Variants in GABRB3 observed in about 807,000 individuals in gnomAD.
GABRB3 encodes gamma-aminobutyric acid type A receptor subunit beta3, also known as gamma-aminobutyric acid receptor subunit beta-3.
A neutral mutation model predicts 52.1 loss-of-function variants in GABRB3; 14 were observed. That is an observed-to-expected ratio of 0.27 (90% CI 0.18 to 0.42). GABRB3 has a LOEUF of 0.42. Ranked by LOEUF, GABRB3 falls within the 10% of genes least tolerant of loss-of-function variation. GABRB3 has a pLI of 1.00. For synonymous variants in GABRB3, 260 were observed against 232.3 expected, an observed-to-expected ratio of 1.12 and a Z score of -1.08; for missense variants, 307 against 609.1, an observed-to-expected ratio of 0.50 and a Z score of 5.22.
chr15:26,702,805 C>A (rs1739989455), intron 3 of GABRB3, among the ~76,000 whole-genome samples: 1 of 152,190 alleles, frequency 6.6e-6, no homozygotes, highest in Non-Finnish European at 1.5e-5. Context: ...CTGGAGACAG[C>A]CTGTCTTAAT....
Position 26,731,933 on chromosome 15 carries a change from T to A in GABRB3, c.240+40469A>T, listed in dbSNP as rs117421458. The stretch of plus-strand genomic sequence containing the variant: ...TAACAAAGTCAGTATAAAATTTGAT[T>A]AGATAAGACCAGCTTCTCACAGATA... On this transcript the variant is annotated intron_variant, in intron 3 of 8. Coordinates refer to ENST00000311550, the MANE Select transcript of GABRB3 (RefSeq NM_000814.6). 5.1e-3 allele frequency among the ~76,000 whole-genome samples: 779 copies of A among 152,326 alleles called. 4 individuals carry two copies. Among genetic ancestry groups the A allele is most frequent in the Non-Finnish European group, 8.3e-3 (567 of 68,030 alleles).
chr15:26,566,960 G>A (rs139461426), intron 7 of GABRB3, among the ~76,000 whole-genome samples: 11 of 152,184 alleles, frequency 7.2e-5, no homozygotes, highest in Non-Finnish European at 1.6e-4. Context: ...TTTTTTCTAT[G>A]CAGTTTCATA....
rs60476155 is a variant in GABRB3, at chr15:26,700,781, T to A, written c.240+71621A>T. Among the ~76,000 whole-genome samples, 645 of 152,260 alleles carry A rather than the reference T, an allele frequency of 4.2e-3. 7 individuals carry two copies. The highest frequency in any genetic ancestry group is 0.014 in the African/African-American group (597 of 41,548). ...TTGTCTTACAAAACTCTCGGCCAGG[T>A]ACAGTGGCTCACGCCTGTAATCCCA... is the stretch of plus-strand genomic sequence containing the variant. On this transcript the variant is annotated intron_variant, in intron 3 of 8. Coordinates refer to ENST00000311550, the MANE Select transcript of GABRB3 (RefSeq NM_000814.6).
chr15:26,639,963 T>G (rs1464556509), intron 3 of GABRB3, among the ~76,000 whole-genome samples: 3 of 152,200 alleles, frequency 2.0e-5, no homozygotes, highest in African/African-American at 4.8e-5. Flanking sequence ...TGATTTTCAT[T>G]GTAAAAATCG....
chr15:26,577,787 T>C (rs750837237), intron 6 of GABRB3, among the ~76,000 whole-genome samples: 3 of 152,160 alleles, frequency 2.0e-5, no homozygotes, highest in Admixed American at 6.5e-5. Context: ...TGTTCTTTTC[T>C]AGCTCCCCCC....
At chr15:26,612,122 T>C (rs968790773) in intron 4 of GABRB3, 7 of 152,268 alleles carry the variant, frequency 4.6e-5, no homozygotes, top group African/African-American at 1.4e-4. Flanking sequence ...GAATAAGAAA[T>C]AGTTACATTA....
intron 3 of GABRB3, among the ~76,000 whole-genome samples, chr15:26,766,776 C>T (rs1188479960): frequency 6.6e-6 from 1 of 151,514 alleles, no homozygotes; most frequent in African/African-American, 2.4e-5. Flanking sequence ...TGTAAATAAG[C>T]AGATTTGCCC....
intron 3 of GABRB3, among the ~76,000 whole-genome samples, chr15:26,741,071 T>C (rs542616224): frequency 1.1e-4 from 12 of 110,398 alleles, no homozygotes; most frequent in African/African-American, 3.2e-4. Context: ...TGTGTGTGTG[T>C]GTGTGTGTGT....
At chr15:26,596,952 G>A (rs970269380) in intron 4 of GABRB3, among the ~76,000 whole-genome samples, 5 of 152,152 alleles carry the variant, frequency 3.3e-5, no homozygotes, top group Non-Finnish European at 7.3e-5. Flanking sequence ...GAAGAGTCTC[G>A]AGGCAGTGTA....
intron 3 of GABRB3, among the ~76,000 whole-genome samples, chr15:26,759,253 A>C (rs1381235139): frequency 6.6e-6 from 1 of 152,170 alleles, no homozygotes; most frequent in Admixed American, 6.5e-5. Flanking sequence ...AATAGAATAT[A>C]GCAAAAAAAA....
intron 3 of GABRB3, among the ~76,000 whole-genome samples, chr15:26,743,127 A>T (rs972885946): frequency 1.3e-5 from 2 of 151,902 alleles, no homozygotes; most frequent in Middle Eastern, 3.2e-3. Flanking sequence ...ATGGTGTTTC[A>T]CCATGTTGGT....
At chr15:26,709,567 G>A (rs1312944568) in intron 3 of GABRB3, among the ~76,000 whole-genome samples, 1 of 136,192 alleles carries the variant, frequency 7.3e-6, no homozygotes, top group South Asian at 2.4e-4. Flanking sequence ...GCCCAGACTG[G>A]AGTGCAGTGG....
chr15:26,765,337 C>T (rs1371594867), intron 3 of GABRB3, among the ~76,000 whole-genome samples: 3 of 151,902 alleles, frequency 2.0e-5, no homozygotes, highest in Admixed American at 6.6e-5. Context: ...ATAAAAGTTC[C>T]CCAGTGAAAG....
At chr15:26,578,464 G>C (rs1172295083) in intron 6 of GABRB3, among the ~76,000 whole-genome samples, 1 of 152,190 alleles carries the variant, frequency 6.6e-6, no homozygotes, top group Non-Finnish European at 1.5e-5. Flanking sequence ...ATTTTCTCCA[G>C]ACATTTTTAG....
chr15:26,657,879 G>A (rs560115678), intron 3 of GABRB3, among the ~76,000 whole-genome samples: 2 of 152,096 alleles, frequency 1.3e-5, no homozygotes, highest in African/African-American at 2.4e-5. Flanking sequence ...ACTTTAAAAC[G>A]AAGAAGATAA....
intron 3 of GABRB3, among the ~76,000 whole-genome samples, chr15:26,711,069 A>G (rs1017096115): frequency 1.4e-4 from 22 of 152,182 alleles, no homozygotes; most frequent in African/African-American, 5.3e-4. Context: ...GTTCAACACC[A>G]TCTATTCCAA....
chr15:26,631,109 G>A (rs1006784640), intron 3 of GABRB3, among the ~76,000 whole-genome samples: 1 of 152,198 alleles, frequency 6.6e-6, no homozygotes, highest in Non-Finnish European at 1.5e-5. Context: ...GAAGCCCTGA[G>A]TGCCGGGAGC....
intron 3 of GABRB3, among the ~76,000 whole-genome samples, chr15:26,748,078 T>G (rs1165873410): frequency 6.6e-6 from 1 of 151,478 alleles, no homozygotes; most frequent in Non-Finnish European, 1.5e-5. Context: ...TCACACTTGG[T>G]CATGGCATAT....
intron 3 of GABRB3, among the ~76,000 whole-genome samples, chr15:26,634,789 T>C (rs994801008): frequency 1.1e-4 from 17 of 151,536 alleles, no homozygotes; most frequent in Non-Finnish European, 2.5e-4. Flanking sequence ...TTAAAACAGG[T>C]ATTTATCTGA....
Sources: allele counts gnomAD v4.1 joint callset (sites outside exome capture counted in the v4.1 genomes callset), GRCh38; gene constraint gnomAD v4.1.1; transcripts MANE v1.5; gene names NCBI Gene and HGNC (gene_info 2026-07-23, HGNC 2026-07-21).